RABGAP1L: variants seen among roughly 807,000 people sequenced by gnomAD.
RABGAP1L encodes rab GTPase-activating protein 1-like.
In RABGAP1L, 63 loss-of-function variants were observed where a neutral mutation model predicts 137.7. The observed-to-expected ratio is 0.46, with a 90% CI of 0.37 to 0.56. The LOEUF (loss-of-function observed/expected upper bound fraction) is 0.56, where lower values mean the gene tolerates loss of function less well. Ranked by LOEUF, RABGAP1L falls within the 20% of genes least tolerant of loss-of-function variation. The pLI is 0.00. For synonymous variants in RABGAP1L, 431 were observed against 433.7 expected (o/e 0.99, Z 0.08); for missense variants, 1,095 against 1,244.0 (o/e 0.88, Z 1.80).
At chr1:174,404,790 A>T (rs1032908797) in intron 13 of RABGAP1L, among the ~76,000 whole-genome samples, 1 of 152,194 alleles carries the variant, frequency 6.6e-6, no homozygotes, top group African/African-American at 2.4e-5. Context: ...ATTTGTTTAA[A>T]CCTGTATCAG....
At chr1:174,162,726 C>CCAAGGCTA (rs532599748) in intron 1 of RABGAP1L, among the ~76,000 whole-genome samples, 35 of 148,964 alleles carry the variant, frequency 2.3e-4, no homozygotes, top group Non-Finnish European at 3.7e-4. Context: ...GACCAGCAGC[C>CCAAGGCTA]CAAGGCTATT....
At chr1:174,333,645 CT>C (rs1157256002) in intron 11 of RABGAP1L, among the ~76,000 whole-genome samples, 2 of 152,080 alleles carry the variant, frequency 1.3e-5, no homozygotes, top group Non-Finnish European at 2.9e-5. Context: ...ACTACTGAAC[CT>C]TATGTCTATC....
chr1:174,480,490 C>G (rs1346809482), intron 13 of RABGAP1L, among the ~76,000 whole-genome samples: 2 of 152,222 alleles, frequency 1.3e-5, no homozygotes, highest in Admixed American at 1.3e-4. Context: ...AAGGCCAGCT[C>G]TGGACAGAAG....
chr1:174,617,250 T>A (rs981834063), intron 13 of RABGAP1L, among the ~76,000 whole-genome samples: 1 of 152,182 alleles, frequency 6.6e-6, no homozygotes, highest in African/African-American at 2.4e-5. Context: ...TTGCCCTATC[T>A]CCAAATATTA....
intron 19 of RABGAP1L, among the ~76,000 whole-genome samples, chr1:174,840,549 C>T (rs201328095): frequency 1.2e-4 from 18 of 151,006 alleles, no homozygotes; most frequent in East Asian, 7.8e-4. Flanking sequence ...CGGTGACTCA[C>T]GCCTGTAATC....
intron 13 of RABGAP1L, among the ~76,000 whole-genome samples, chr1:174,568,809 A>G (rs889170817): frequency 6.6e-6 from 1 of 152,248 alleles, no homozygotes; most frequent in Non-Finnish European, 1.5e-5. Flanking sequence ...ATCTGTTTAC[A>G]CTATGCAGAT....
chr1:174,636,221 T>C (rs1459543964), intron 13 of RABGAP1L, among the ~76,000 whole-genome samples: 1 of 152,180 alleles, frequency 6.6e-6, no homozygotes, highest in African/African-American at 2.4e-5. Flanking sequence ...TCAACAAATA[T>C]CTAGGCTTAT....
intron 4 of RABGAP1L, 109 bp downstream of exon 4, chr1:174,231,464 C>G: frequency 3.1e-6 from 3 of 980,268 alleles, no homozygotes; most frequent in Non-Finnish European, 4.8e-6. Flanking sequence ...ACACTGTAGA[C>G]ATGCAGAGTA....
At chr1:174,670,183 G>C (rs770321484) in intron 14 of RABGAP1L, among the ~76,000 whole-genome samples, 31 of 151,898 alleles carry the variant, frequency 2.0e-4, no homozygotes, top group Non-Finnish European at 1.8e-4. Context: ...TTAATATACA[G>C]ATCTTTCACT....
chr1:174,335,446 C>T (rs982523618), intron 11 of RABGAP1L, among the ~76,000 whole-genome samples: 4 of 152,260 alleles, frequency 2.6e-5, no homozygotes, highest in Non-Finnish European at 5.9e-5. Flanking sequence ...GTATCTTTGC[C>T]TATCTTTCAA....
chr1:174,957,728 T>TC (rs1434165825), intron 20 of RABGAP1L, 179 bp downstream of exon 20: 1 of 801,046 alleles, frequency 1.2e-6, no homozygotes, highest in East Asian at 3.1e-5. Flanking sequence ...AGTACCTTTT[T>TC]TTTTTTTTTT....
intron 19 of RABGAP1L, among the ~76,000 whole-genome samples, chr1:174,871,859 ACT>A (rs1652258129): frequency 6.6e-6 from 1 of 152,116 alleles, no homozygotes; most frequent in African/African-American, 2.4e-5. Context: ...TAAGTATGAA[ACT>A]CTTCATTTTG....
At chr1:174,346,274 T>C (rs1236770936) in intron 11 of RABGAP1L, among the ~76,000 whole-genome samples, 1 of 152,214 alleles carries the variant, frequency 6.6e-6, no homozygotes, top group Non-Finnish European at 1.5e-5. Context: ...TTTGGAAGTA[T>C]TCCTTTCTCC....
chr1:174,835,889 C>G (rs374679091), intron 19 of RABGAP1L, among the ~76,000 whole-genome samples: 1 of 152,218 alleles, frequency 6.6e-6, no homozygotes, highest in African/African-American at 2.4e-5. Context: ...TGCTGTCTAT[C>G]CCTTGTGTCA....
chr1:174,496,271 C>T (rs1660724369), intron 13 of RABGAP1L, among the ~76,000 whole-genome samples: 1 of 152,106 alleles, frequency 6.6e-6, no homozygotes, highest in Non-Finnish European at 1.5e-5. Context: ...AGAAGAAGAG[C>T]CGTAGGTCAG....
chr1:174,817,303 G>A (rs1558110884), intron 19 of RABGAP1L, among the ~76,000 whole-genome samples: 2 of 152,308 alleles, frequency 1.3e-5, no homozygotes, highest in Non-Finnish European at 2.9e-5. Flanking sequence ...TATTTATTGA[G>A]TGCCTGTTGT....
At chr1:174,383,079 G>T (rs1388910753) in intron 12 of RABGAP1L, among the ~76,000 whole-genome samples, 3 of 151,110 alleles carry the variant, frequency 2.0e-5, no homozygotes, top group Admixed American at 6.6e-5. Flanking sequence ...CCTGCTGGGG[G>T]GTGCCTCCCA....
At chr1:174,725,243 C>T (rs1264646850) in intron 17 of RABGAP1L, among the ~76,000 whole-genome samples, 1 of 152,164 alleles carries the variant, frequency 6.6e-6, no homozygotes, top group Non-Finnish European at 1.5e-5. Context: ...AATGTATCAG[C>T]AATGAACTTG....
chr1:174,204,611 G>A (rs1668370422), intron 1 of RABGAP1L, among the ~76,000 whole-genome samples: 1 of 152,088 alleles, frequency 6.6e-6, no homozygotes, highest in South Asian at 2.1e-4. Flanking sequence ...TAACATGAAG[G>A]GGTGTTGAAT....
Sources: allele counts gnomAD v4.1 joint callset (sites outside exome capture counted in the v4.1 genomes callset), GRCh38; gene constraint gnomAD v4.1.1; transcripts MANE v1.5; gene names NCBI Gene and HGNC (gene_info 2026-07-23, HGNC 2026-07-21).